The following PLXNA2 variants were observed in gnomAD, a reference collection of about 807,000 sequenced individuals.
PLXNA2 encodes the protein plexin-A2.
Under a neutral mutation model 193.5 loss-of-function variants are expected in PLXNA2, and 91 were observed. That is an observed-to-expected ratio of 0.47 (90% CI 0.40 to 0.56). PLXNA2 has a LOEUF of 0.56. Ranked by LOEUF, PLXNA2 falls within the 20% of genes least tolerant of loss-of-function variation. PLXNA2 has a pLI of 0.00. For synonymous variants in PLXNA2, 997 were observed against 1,027.3 expected, an observed-to-expected ratio of 0.97 and a Z score of 0.56; for missense variants, 1,995 against 2,503.2, an observed-to-expected ratio of 0.80 and a Z score of 4.33.
chr1:208,148,186 G>A (rs778939586), intron 3 of PLXNA2, among the ~76,000 whole-genome samples: 7 of 152,086 alleles, frequency 4.6e-5, no homozygotes, highest in East Asian at 1.9e-4. Context: ...CTTGTGCTTC[G>A]ATTTCTTCTC....
intron 17 of PLXNA2, among the ~76,000 whole-genome samples, chr1:208,049,734 A>G (rs1459821788): frequency 5.3e-5 from 8 of 152,170 alleles, no homozygotes; most frequent in Admixed American, 1.3e-4. Context: ...GTTGCATCAG[A>G]TGATCCCTGA....
chr1:208,149,701 G>A (rs1453426201), intron 3 of PLXNA2, among the ~76,000 whole-genome samples: 1 of 152,016 alleles, frequency 6.6e-6, no homozygotes, highest in Non-Finnish European at 1.5e-5. Flanking sequence ...TGAGCATTTG[G>A]TGCTGCGAGA....
chr1:208,043,248 C>CG (rs1664937399), intron 20 of PLXNA2, 45 bp from the exon 21 acceptor site: 1 of 1,596,630 alleles, frequency 6.3e-7, no homozygotes, highest in Non-Finnish European at 8.6e-7. Context: ...AAGCCCCAGT[C>CG]GGGGGAGGAG....
chr1:208,030,415 C>T (rs1014451076), intron 29 of PLXNA2: 32 of 985,438 alleles, frequency 3.2e-5, no homozygotes, highest in Middle Eastern at 5.2e-4. Context: ...AGCGCTGGGC[C>T]GGGGATGCTC....
In PLXNA2 at chr1:208,208,375, A is replaced by C. The variant is rs180831781; in HGVS notation, c.1371+1905T>G. Among the ~76,000 whole-genome samples, 41 of 152,360 alleles carry C rather than the reference A, an allele frequency of 2.7e-4. No individual in the cohort carries two copies. In the East Asian group the frequency reaches 7.9e-3, roughly 29 times the overall value. On this transcript the variant is annotated intron_variant, in intron 3 of 31. Transcript: ENST00000367033. ...GTCAAGGCAAGAAGCAACTTGTCCT[A>C]GATCTCTATGCTTGGGCAAGTCAAT...
chr1:208,029,511 C>G, intron 29 of PLXNA2: 1 of 997,798 alleles, frequency 1.0e-6, no homozygotes, highest in Non-Finnish European at 1.2e-6. Flanking sequence ...CTGCGCTCCC[C>G]GCCCAGCCCG....
In PLXNA2 at chr1:208,178,462, G is replaced by A. The variant is rs141712098; in HGVS notation, c.1371+31818C>T. 6.9e-3 allele frequency among the ~76,000 whole-genome samples: 1,058 copies of A among 152,296 alleles called. 13 individuals carry two copies. Among genetic ancestry groups the A allele is most frequent in the African/African-American group, 0.024 (984 of 41,560 alleles). ...AAAGGTTTACACAGTGAGTCAGGCT[G>A]GCCCCAGCACCCCCTTGAGGAAGGC... is the stretch of plus-strand genomic sequence containing the variant. On this transcript the variant is annotated intron_variant, in intron 3 of 31. Coordinates refer to ENST00000367033, the MANE Select transcript of PLXNA2 (RefSeq NM_025179.4).
intron 6 of PLXNA2, among the ~76,000 whole-genome samples, chr1:208,097,515 C>G (rs1287210616): frequency 6.6e-6 from 1 of 152,188 alleles, no homozygotes; most frequent in Non-Finnish European, 1.5e-5. Context: ...GAAGTGGCCA[C>G]CAACTGCTTG....
At chr1:208,220,744 T>C (rs963390691) in intron 1 of PLXNA2, among the ~76,000 whole-genome samples, 9 of 152,048 alleles carry the variant, frequency 5.9e-5, no homozygotes, top group African/African-American at 2.2e-4. Context: ...ACCTGGCCTG[T>C]TATTGTCTTT....
intron 9 of PLXNA2, among the ~76,000 whole-genome samples, chr1:208,087,910 T>C (rs781782686): frequency 2.0e-5 from 3 of 151,684 alleles, no homozygotes; most frequent in Non-Finnish European, 4.4e-5. Context: ...TCTGTGGGTA[T>C]ACACACACAC....
intron 1 of PLXNA2, among the ~76,000 whole-genome samples, chr1:208,238,009 G>A (rs1361360833): frequency 6.6e-6 from 1 of 152,318 alleles, no homozygotes; most frequent in South Asian, 2.1e-4. Flanking sequence ...TCAGTGCAAA[G>A]GGTAAGAATC....
intron 6 of PLXNA2, among the ~76,000 whole-genome samples, chr1:208,098,456 T>TCACACACA (rs1214971611): frequency 0.027 from 2,891 of 108,920 alleles, 49 homozygotes; most frequent in Non-Finnish European, 0.037. Context: ...TCTCTCTCTC[T>TCACACACA]CTCACACACA....
At position 208,084,574 on chromosome 1, in the gene PLXNA2, G is replaced by A. The variant is rs754405149; in HGVS notation, c.2104C>T (p.Pro702Ser). 5.0e-6 allele frequency: 8 copies of A among 1,614,190 alleles called. No individual in the cohort carries two copies. The highest frequency in any genetic ancestry group is 6.8e-6 in the Non-Finnish European group (8 of 1,180,014). ...ATCTCCTCTGTGGGCACCAGCTGGGGACAGTCCTGGGGGAACAAACGAAGA... is the reference window on the plus strand; with the variant it reads ...ATCTCCTCTGTGGGCACCAGCTGGGAACAGTCCTGGGGGAACAAACGAAGA... ...EGRINISEDC[P>S]QLVPTEEILI... Residue 702 changes from proline (P) to serine (S), a missense_variant, in exon 10 of 32, where the codon CCC becomes TCC. Around this residue, in one of 3 missense-constraint regions of PLXNA2, gnomAD observed 1,291 missense variants for 1,673.6 expected, o/e 0.77. Transcript: ENST00000367033.
At chr1:208,211,809 T>G (rs774277899) in intron 2 of PLXNA2, among the ~76,000 whole-genome samples, 2 of 152,230 alleles carry the variant, frequency 1.3e-5, no homozygotes, top group African/African-American at 4.8e-5. Context: ...TGTAGGGCTC[T>G]TAAAGGGAAT....
In PLXNA2 at chr1:208,228,343, G is replaced by A. The variant is rs537411000; in HGVS notation, c.-80-10341C>T. Among the ~76,000 whole-genome samples, 120 of 152,248 alleles carry A rather than the reference G, an allele frequency of 7.9e-4. 3 individuals are homozygous for A. The South Asian group carries it at 0.024, about 30-fold the overall frequency. ...TAGCACTGCTCATTTCCAGAAGCTAGGGTTCCCAAAAGTTCAAAGGGCGGG... is the reference window on the plus strand; with the variant it reads ...TAGCACTGCTCATTTCCAGAAGCTAAGGTTCCCAAAAGTTCAAAGGGCGGG... On this transcript the variant is annotated intron_variant, in intron 1 of 31. Coordinates refer to ENST00000367033, the MANE Select transcript of PLXNA2 (RefSeq NM_025179.4).
chr1:208,172,176 G>A (rs1669516528), intron 3 of PLXNA2, among the ~76,000 whole-genome samples: 1 of 151,790 alleles, frequency 6.6e-6, no homozygotes, highest in Non-Finnish European at 1.5e-5. Context: ...CCTGAAGAGT[G>A]GCTCCAAAGG....
Position 208,082,615 on chromosome 1 carries a change from C to T in PLXNA2, c.2299-107G>A, listed in dbSNP as rs1666384671. ...GCTCAGATTATTATGACGCTCTTTC[C>T]CTGAATCCCAGTCACTAATGCCAAG... On this transcript the variant is annotated intron_variant, in intron 10 of 31. Coordinates refer to ENST00000367033, the MANE Select transcript of PLXNA2 (RefSeq NM_025179.4). The surrounding 1 kb of genome is among the most constrained non-coding windows in gnomAD (Gnocchi z 4.2). 5.0e-6 allele frequency: 4 copies of T among 801,470 alleles called. No homozygotes were observed. Among genetic ancestry groups the T allele is most frequent in the Non-Finnish European group, 8.4e-6 (4 of 477,978 alleles). 49.6% of individuals were successfully genotyped at this position (801,470 alleles called of 1,614,324 possible).
At chr1:208,069,314 C>T (rs894742692) in intron 12 of PLXNA2, among the ~76,000 whole-genome samples, 1 of 152,162 alleles carries the variant, frequency 6.6e-6, no homozygotes, top group Non-Finnish European at 1.5e-5. Context: ...GCTGCACAGC[C>T]CAACTGAACC....
chr1:208,199,759 A>G (rs987759641), intron 3 of PLXNA2, among the ~76,000 whole-genome samples: 6 of 152,136 alleles, frequency 3.9e-5, no homozygotes, highest in African/African-American at 1.4e-4. Flanking sequence ...GAATTCAAAA[A>G]CCTGGGTTCC....
Sources: gnomAD v4.1 joint callset for allele counts (sites outside exome capture counted in the v4.1 genomes callset) on GRCh38, gnomAD v4.1.1 for gene constraint, gnomAD v4.1.1 regional missense constraint, Gnocchi (gnomAD v3.1) non-coding constraint, MANE v1.5 for transcripts, NCBI Gene and HGNC (gene_info 2026-07-23, HGNC 2026-07-21) for gene names.